The following NAP1L1 variants were observed in gnomAD, a reference collection of about 807,000 sequenced individuals.
The protein encoded by NAP1L1 is nucleosome assembly protein 1-like 1.
In NAP1L1, 9 loss-of-function variants were observed where a neutral mutation model predicts 58.9. That is an observed-to-expected ratio of 0.15 (90% CI 0.09 to 0.27). The LOEUF is 0.27. Among genes scored for constraint, NAP1L1 ranks in the 10% least tolerant of loss-of-function variants. The pLI is 1.00. For synonymous variants in NAP1L1, 130 were observed against 138.3 expected, an observed-to-expected ratio of 0.94 and a Z score of 0.42; for missense variants, 302 against 458.8, an observed-to-expected ratio of 0.66 and a Z score of 3.12.
chr12:76,060,902 G>A (rs1949375831), intron 4 of NAP1L1: 2 of 262,122 alleles, frequency 7.6e-6, no homozygotes, highest in Non-Finnish European at 7.8e-6. Flanking sequence ...AGACCAGCCT[G>A]GGCAACATGA....
At chr12:76,057,937 G>C (rs1219933195) in intron 6 of NAP1L1, 1 of 1,108,652 alleles carries the variant, frequency 9.0e-7, no homozygotes, top group Non-Finnish European at 1.4e-6. Context: ...TTGTGGCCTT[G>C]TAACTTTTGA....
At chr12:76,057,929 G>A (rs1949196748) in intron 6 of NAP1L1, 15 of 1,130,790 alleles carry the variant, frequency 1.3e-5, no homozygotes, top group Non-Finnish European at 1.9e-5. Flanking sequence ...GACAAGGGTT[G>A]TGGCCTTGTA....
Position 76,074,349 on chromosome 12 carries a change from G to A in NAP1L1, c.-20-110C>T, listed in dbSNP as rs917591904. ...CATACTGAAAACTATCCCAAGAAAT[G>A]TCTATTTCCTTTAAAATACTATCAG... On this transcript the variant is annotated intron_variant, in intron 1 of 14. Coordinates refer to ENST00000618691, the MANE Select transcript of NAP1L1 (RefSeq NM_004537.7). The A allele has an allele frequency of 5.2e-6, 7 of 1,347,466 alleles. No homozygotes were observed. The African/African-American group carries it at 1.1e-4, about 21-fold the overall frequency. The allele number at this position is 1,347,466 out of a possible 1,614,324, so 83.5% of individuals were successfully genotyped here.
intron 6 of NAP1L1, among the ~76,000 whole-genome samples, chr12:76,058,510 C>T (rs1468429778): frequency 6.6e-6 from 1 of 151,652 alleles, no homozygotes; most frequent in Non-Finnish European, 1.5e-5. Flanking sequence ...CCTGAGCCTC[C>T]CGAGTAGGTG....
At position 76,039,562 on chromosome 12, in the gene NAP1L1, A is replaced by T. The variant is rs2136931993; in HGVS notation, c.*8867T>A. On this transcript the variant is annotated 3_prime_UTR_variant, in exon 15 of 15. Transcript: ENST00000618691. Reference sequence around the variant, plus strand: ...GAAAGATTATCTGAATATTGTTTAAAATGAAATCTAGATTAACTCTGGTCT... The same window carrying T: ...GAAAGATTATCTGAATATTGTTTAATATGAAATCTAGATTAACTCTGGTCT... The T allele has an allele frequency of 6.6e-6, 1 of 152,326 alleles. No homozygotes were observed. The highest frequency in any genetic ancestry group is 1.9e-4 in the East Asian group (1 of 5,190). The allele number at this position is 152,326 out of a possible 1,614,324, so 9.4% of individuals were successfully genotyped here. A position where few individuals can be genotyped will look rare whatever the true frequency, so the allele number is the denominator to read the frequency against.
chr12:76,073,859 G>T, intron 2 of NAP1L1: 1 of 197,414 alleles, frequency 5.1e-6, no homozygotes, highest in African/African-American at 2.3e-5. Flanking sequence ...ACACATTTTG[G>T]GTGTTTGGTA....
intron 7 of NAP1L1, among the ~76,000 whole-genome samples, chr12:76,055,456 T>C (rs536871438): frequency 1.3e-5 from 2 of 152,312 alleles, no homozygotes; most frequent in South Asian, 4.1e-4. Flanking sequence ...TTTGCTAAAG[T>C]AGAATTGTAA....
chr12:76,054,025 C>T, intron 8 of NAP1L1, 116 bp from the exon 9 acceptor site: 1 of 1,168,984 alleles, frequency 8.6e-7, no homozygotes, highest in Middle Eastern at 2.2e-4. Context: ...TTTTTTTCTA[C>T]TCTGAAATAC....
chr12:76,049,191 T>A lies in NAP1L1; in HGVS notation c.1140+9A>T, dbSNP rs1252175447. ...AAATTTAATAGAAAGCAGCACTAAT[T>A]TTGCTCACCTTTGGGTCATAGTCTG... is the stretch of plus-strand genomic sequence containing the variant. On this transcript the variant is annotated intron_variant, in intron 14 of 14. Coordinates refer to ENST00000618691, the MANE Select transcript of NAP1L1 (RefSeq NM_004537.7). The A allele has an allele frequency of 2.5e-6, 4 of 1,611,342 alleles. No individual in the cohort carries two copies. Among genetic ancestry groups the A allele is most frequent in the African/African-American group, 2.7e-5 (2 of 74,812 alleles).
chr12:76,083,437 G>A (rs1426178160), intron 1 of NAP1L1, among the ~76,000 whole-genome samples: 4 of 124,312 alleles, frequency 3.2e-5, no homozygotes, highest in African/African-American at 1.2e-4. Context: ...TGGGCCACAC[G>A]TAAAATACAT....
chr12:76,066,541 G>C (rs187841261), intron 4 of NAP1L1, among the ~76,000 whole-genome samples: 8 of 152,084 alleles, frequency 5.3e-5, no homozygotes, highest in African/African-American at 1.7e-4. Context: ...AAAGGTTCAA[G>C]CATTATGTAG....
rs767829409 is a variant in NAP1L1, at chr12:76,045,279, A to C, written c.*3150T>G. 3.0e-4 allele frequency: 46 copies of C among 152,108 alleles called. No individual in the cohort carries two copies. The highest frequency in any genetic ancestry group is 6.3e-4 in the Non-Finnish European group (43 of 67,936). 9.4% of individuals were successfully genotyped at this position (152,108 alleles called of 1,614,324 possible). A position where few individuals can be genotyped will look rare whatever the true frequency, so the allele number is the denominator to read the frequency against. ...AAAGGCTTAAATTTTTGTAAGACTA[A>C]CCCATAAAAAAGGACTCCAATTTTA... On this transcript the variant is annotated 3_prime_UTR_variant, in exon 15 of 15. Coordinates refer to ENST00000618691, the MANE Select transcript of NAP1L1 (RefSeq NM_004537.7).
In NAP1L1 at chr12:76,067,468, G is replaced by T; in HGVS notation, c.109C>A (p.Gln37Lys). The change falls in exon 4 of 15, where the codon CAG becomes AAG. Residue 37 changes from glutamine (Q) to lysine (K), a missense_variant. Gln to Lys is a moderately conservative substitution (Grantham distance 53). Coordinates refer to ENST00000618691, the MANE Select transcript of NAP1L1 (RefSeq NM_004537.7). ...TTTTGCATCATCTGAACAGTTAGCTGACGTGCTTTAAAAAAAAAAGGGCAT... is the reference window on the plus strand; with the variant it reads ...TTTTGCATCATCTGAACAGTTAGCTTACGTGCTTTAAAAAAAAAAGGGCAT... ...TGEETKLKAR[Q>K]LTVQMMQNPQ... 6.3e-7 allele frequency: 1 copy of T among 1,579,746 alleles called. No individual in the cohort carries two copies.
intron 2 of NAP1L1, among the ~76,000 whole-genome samples, chr12:76,070,993 G>C (rs966031926): frequency 6.6e-6 from 1 of 152,114 alleles, no homozygotes; most frequent in Non-Finnish European, 1.5e-5. Context: ...AACACAGTAA[G>C]AATTCTCTAT....
intron 2 of NAP1L1, among the ~76,000 whole-genome samples, chr12:76,072,221 G>A (rs1182966733): frequency 7.3e-6 from 1 of 137,058 alleles, no homozygotes; most frequent in Non-Finnish European, 1.6e-5. Flanking sequence ...GAAAATGTAA[G>A]AGCAAATGGA....
At chr12:76,052,065 A>G in intron 11 of NAP1L1, among the ~76,000 whole-genome samples, 1 of 152,024 alleles carries the variant, frequency 6.6e-6, no homozygotes, top group East Asian at 1.9e-4. Context: ...TATGATACTA[A>G]ACAATGATAC....
Position 76,038,618 on chromosome 12 carries a change from T to C in NAP1L1, c.*9811A>G, listed in dbSNP as rs1948523937. Reference sequence around the variant, plus strand: ...AACTCAGGCTTCAGAGAGGGTAAGTTTCATTACAGACAAGGTAATCTAAGA... The same window carrying C: ...AACTCAGGCTTCAGAGAGGGTAAGTCTCATTACAGACAAGGTAATCTAAGA... On this transcript the variant is annotated 3_prime_UTR_variant, in exon 15 of 15. Transcript: ENST00000618691. 1 of 152,180 alleles carries C rather than the reference T, an allele frequency of 6.6e-6. No individual in the cohort carries two copies. Among genetic ancestry groups the C allele is most frequent in the African/African-American group, 2.4e-5 (1 of 41,432 alleles). The allele number at this position is 152,180 out of a possible 1,614,324, so 9.4% of individuals were successfully genotyped here.
chr12:76,040,107 G>T lies in NAP1L1; in HGVS notation c.*8322C>A, dbSNP rs1393711391. ...TTGTCCAGCTATAATTCAAGTAAAA[G>T]ATTCCAAAATGATGGGGAAAAGCAT... On this transcript the variant is annotated 3_prime_UTR_variant, in exon 15 of 15. Coordinates refer to ENST00000618691, the MANE Select transcript of NAP1L1 (RefSeq NM_004537.7). The T allele has an allele frequency of 6.6e-6, 1 of 152,068 alleles. No individual in the cohort carries two copies. The highest frequency in any genetic ancestry group is 2.4e-5 in the African/African-American group (1 of 41,418). The allele number at this position is 152,068 out of a possible 1,614,324, so 9.4% of individuals were successfully genotyped here.
At chr12:76,072,341 G>A (rs910956184) in intron 2 of NAP1L1, among the ~76,000 whole-genome samples, 50 of 151,192 alleles carry the variant, frequency 3.3e-4, no homozygotes, top group African/African-American at 1.2e-3. Context: ...AACGAAGCAG[G>A]TCTTGGAAAC....
Sources: gnomAD v4.1 joint callset for allele counts (sites outside exome capture counted in the v4.1 genomes callset) on GRCh38, gnomAD v4.1.1 for gene constraint, MANE v1.5 for transcripts, NCBI Gene and HGNC (gene_info 2026-07-23, HGNC 2026-07-21) for gene names.